GABPB1: variants seen among roughly 807,000 people sequenced by gnomAD.
GABPB1 encodes the protein GA-binding protein subunit beta-1.
A neutral mutation model predicts 45.9 loss-of-function variants in GABPB1; 15 were observed. The ratio of observed to expected loss-of-function variants is 0.33; its 90% CI spans 0.22 to 0.50. The LOEUF is 0.50. GABPB1 is among the 20% of genes least tolerant of loss of function. The probability of loss-of-function intolerance (pLI) is 0.98; values close to 1 mark genes in which losing one functional copy is unlikely to be tolerated. For missense variants in GABPB1, 252 were observed against 457.5 expected (o/e 0.55, Z 4.10); for synonymous variants, 143 against 154.4 (o/e 0.93, Z 0.55).
chr15:50,334,640 T>C (rs1415122218), intron 1 of GABPB1, among the ~76,000 whole-genome samples: 1 of 151,574 alleles, frequency 6.6e-6, no homozygotes, highest in African/African-American at 2.4e-5. Context: ...CCGGAGTAGC[T>C]GGGACTACAG....
At chr15:50,280,035 C>T (rs989510430) in intron 8 of GABPB1, among the ~76,000 whole-genome samples, 1 of 152,180 alleles carries the variant, frequency 6.6e-6, no homozygotes, top group Non-Finnish European at 1.5e-5. Flanking sequence ...GATTCCACTT[C>T]CTTCCCCACA....
chr15:50,300,436 G>GTTTTTTTT lies in GABPB1; in HGVS notation c.697+345_697+352dup. On this transcript the variant is annotated intron_variant, in intron 6 of 8. Transcript: ENST00000380877. Reference sequence around the variant, plus strand: ...ATATTTGAATCTGCAACTGTTTTTGGTTTTTTTTTTTTTTTTTTTTTTTTG... The same window carrying GTTTTTTTT: ...ATATTTGAATCTGCAACTGTTTTTGGTTTTTTTTTTTTTTTTTTTTTTTTTTTTTTTTG... 6.9e-4 allele frequency among the ~76,000 whole-genome samples: 28 copies of GTTTTTTTT among 40,806 alleles called. 4 individuals are homozygous for GTTTTTTTT. The highest frequency in any genetic ancestry group is 1.2e-3 in the African/African-American group (9 of 7,504). The allele number at this position is 40,806 out of a possible 152,430, so 26.8% of individuals were successfully genotyped here. A position where few individuals can be genotyped will look rare whatever the true frequency, so the allele number is the denominator to read the frequency against.
At chr15:50,295,568 G>A (rs1459387573) in intron 6 of GABPB1, among the ~76,000 whole-genome samples, 1 of 150,688 alleles carries the variant, frequency 6.6e-6, no homozygotes, top group Admixed American at 6.6e-5. Context: ...AATAAATAAT[G>A]TACTACATGG....
At chr15:50,317,127 G>C (rs1463322559) in intron 1 of GABPB1, among the ~76,000 whole-genome samples, 1 of 152,066 alleles carries the variant, frequency 6.6e-6, no homozygotes. Flanking sequence ...CGAGTGTAGT[G>C]GCTCATGCCT....
chr15:50,299,823 G>T (rs1041406904), intron 6 of GABPB1, among the ~76,000 whole-genome samples: 1 of 151,710 alleles, frequency 6.6e-6, no homozygotes, highest in African/African-American at 2.4e-5. Context: ...TTTGGTTTTG[G>T]GTTTTTTTTT....
rs1479751695 is a variant in GABPB1 at position 50,278,819 on chromosome 15, T to C, written c.1000-35A>G. On this transcript the variant is annotated intron_variant, in intron 8 of 8. Coordinates refer to ENST00000380877, the MANE Select transcript of GABPB1 (RefSeq NM_016654.5). ...AGAAGAGGGTTTTTTTTTTAATTTT[T>C]GCAAAAATACATTATTAATACATAT... The C allele has an allele frequency of 2.6e-6, 4 of 1,548,536 alleles. No homozygotes were observed. The African/African-American group carries it at 4.2e-5, about 16-fold the overall frequency.
At chr15:50,333,038 T>A (rs1422303464) in intron 1 of GABPB1, among the ~76,000 whole-genome samples, 1 of 152,132 alleles carries the variant, frequency 6.6e-6, no homozygotes, top group Non-Finnish European at 1.5e-5. Context: ...AAAAATTAAG[T>A]TTATTGGCTT....
At position 50,324,283 on chromosome 15, in the gene GABPB1, T is replaced by C. The variant is rs1357959290; in HGVS notation, c.1-14485A>G. On this transcript the variant is annotated intron_variant, in intron 1 of 8. Coordinates refer to ENST00000380877, the MANE Select transcript of GABPB1 (RefSeq NM_016654.5). The stretch of plus-strand genomic sequence containing the variant: ...CAGTAAGTGCTCAATAAATCTGAGT[T>C]ACTATTGTCTCCCACTGTTAACGAC... 2.6e-5 allele frequency among the ~76,000 whole-genome samples: 4 copies of C among 152,306 alleles called. No homozygotes were observed. In the East Asian group the frequency reaches 5.8e-4, roughly 22 times the overall value.
At chr15:50,350,364 T>C (rs1159614886) in intron 1 of GABPB1, 1 of 146,406 alleles carries the variant, frequency 6.8e-6, no homozygotes, top group Non-Finnish European at 1.5e-5. Context: ...ATACTGCATC[T>C]AGTATGCTCA....
Position 50,286,117 on chromosome 15 carries a change from C to T in GABPB1, c.950G>A (p.Arg317Lys). ...GTTTTCAATTATTTCGATACATTGT[C>T]TCTTAGCTGGTGGTTCTTCACTTAT... ...TVISEEPPAK[R>K]QCIEIIENRV... The change falls in exon 8 of 9, where the codon AGA (arginine) becomes AAA (lysine). Residue 317 changes from arginine (R) to lysine (K), a missense_variant. This residue lies in a region of GABPB1 where 193 missense variants were observed against 259.9 expected (regional missense o/e 0.74). Coordinates refer to ENST00000380877, the MANE Select transcript of GABPB1 (RefSeq NM_016654.5). 2.5e-6 allele frequency: 4 copies of T among 1,611,994 alleles called. No individual in the cohort carries two copies. Among genetic ancestry groups the T allele is most frequent in the African/African-American group, 2.7e-5 (2 of 74,932 alleles).
chr15:50,322,872 C>CA (rs1232076507), intron 1 of GABPB1, among the ~76,000 whole-genome samples: 1 of 151,310 alleles, frequency 6.6e-6, no homozygotes, highest in East Asian at 2.0e-4. Context: ...ACAAAAAATA[C>CA]AAAAAAATCA....
At chr15:50,337,606 A>C (rs1269710397) in intron 1 of GABPB1, among the ~76,000 whole-genome samples, 1 of 151,866 alleles carries the variant, frequency 6.6e-6, no homozygotes, top group East Asian at 1.9e-4. Flanking sequence ...TCCACCAAAA[A>C]ATACAAAAAA....
intron 1 of GABPB1, among the ~76,000 whole-genome samples, chr15:50,317,776 A>G (rs1486810119): frequency 3.3e-5 from 5 of 151,760 alleles, no homozygotes; most frequent in Admixed American, 6.6e-5. Flanking sequence ...GAGCGTGGTG[A>G]TGGGTGCCTG....
At chr15:50,336,915 T>A (rs1363334981) in intron 1 of GABPB1, among the ~76,000 whole-genome samples, 2 of 147,486 alleles carry the variant, frequency 1.4e-5, no homozygotes, top group African/African-American at 5.0e-5. Context: ...CATGGTGGTG[T>A]GTGCCTGTAG....
intron 1 of GABPB1, chr15:50,354,059 C>T: frequency 7.8e-6 from 2 of 257,792 alleles, no homozygotes; most frequent in Non-Finnish European, 1.5e-5. Context: ...GGAAGACACA[C>T]ACAAAGCAGG....
At chr15:50,325,773 T>C (rs1055628303) in intron 1 of GABPB1, among the ~76,000 whole-genome samples, 13 of 152,060 alleles carry the variant, frequency 8.5e-5, no homozygotes, top group African/African-American at 3.1e-4. Flanking sequence ...CCTCGTGATC[T>C]GCCTGCCTCG....
In GABPB1 at chr15:50,277,579, T is replaced by C. The variant is rs147669065; in HGVS notation, c.*1053A>G. On this transcript the variant is annotated 3_prime_UTR_variant, in exon 9 of 9. Transcript: ENST00000380877. The stretch of plus-strand genomic sequence containing the variant: ...GTAGAAGTTACATTAGACATGTCTA[T>C]TGCATCACTGTAATACAAAAAGTTC... 3 of 152,544 alleles carry C rather than the reference T, an allele frequency of 2.0e-5. No individual in the cohort carries two copies. The highest frequency in any genetic ancestry group is 4.4e-5 in the Non-Finnish European group (3 of 68,016). The allele number at this position is 152,544 out of a possible 1,614,324, so 9.4% of individuals were successfully genotyped here. A position where few individuals can be genotyped will look rare whatever the true frequency, so the allele number is the denominator to read the frequency against.
At chr15:50,303,688 A>C (rs886965013) in intron 3 of GABPB1, among the ~76,000 whole-genome samples, 21 of 151,462 alleles carry the variant, frequency 1.4e-4, no homozygotes, top group Admixed American at 4.6e-4. Context: ...AAAAAAAAAA[A>C]AAAAACAAAA....
chr15:50,321,125 T>C (rs1023368593), intron 1 of GABPB1, among the ~76,000 whole-genome samples: 4 of 152,196 alleles, frequency 2.6e-5, no homozygotes, highest in African/African-American at 9.6e-5. Context: ...GTTTTAATTT[T>C]TCACCTTTAC....
Sources: gnomAD v4.1 joint callset for allele counts (sites outside exome capture counted in the v4.1 genomes callset) on GRCh38, gnomAD v4.1.1 for gene constraint, gnomAD v4.1.1 regional missense constraint, MANE v1.5 for transcripts, NCBI Gene and HGNC (gene_info 2026-07-23, HGNC 2026-07-21) for gene names.